Variants in DST observed in about 807,000 individuals in gnomAD.
The protein encoded by DST is dystonin.
DST carries 253 observed loss-of-function variants against 875.2 expected under a neutral mutation model. The observed-to-expected ratio is 0.29, with a 90% CI of 0.26 to 0.32. DST has a LOEUF of 0.32. DST is among the 10% of genes least tolerant of loss of function. DST has a pLI of 1.00. For synonymous variants in DST, 3,124 were observed against 3,197.1 expected, an observed-to-expected ratio of 0.98 and a Z score of 0.77; for missense variants, 8,287 against 9,111.6, an observed-to-expected ratio of 0.91 and a Z score of 3.68.
chr6:56,711,078 C>A (rs1378084549), intron 5 of DST, among the ~76,000 whole-genome samples: 2 of 152,022 alleles, frequency 1.3e-5, no homozygotes, highest in African/African-American at 4.8e-5. Context: ...GGACCTGATT[C>A]ACTCCTTCAC....
chr6:56,818,942 G>C (rs538658618), intron 4 of DST, among the ~76,000 whole-genome samples: 1 of 152,046 alleles, frequency 6.6e-6, no homozygotes, highest in Non-Finnish European at 1.5e-5. Context: ...TTAGCACTGG[G>C]TCTGACCCTG....
At chr6:56,486,049 T>C (rs777206613) in intron 87 of DST, among the ~76,000 whole-genome samples, 4 of 152,142 alleles carry the variant, frequency 2.6e-5, no homozygotes, top group Non-Finnish European at 4.4e-5. Context: ...GTATGTAACA[T>C]GCTGTGGCTG....
chr6:56,749,542 T>C (rs575293762), intron 4 of DST, among the ~76,000 whole-genome samples: 13 of 152,308 alleles, frequency 8.5e-5, no homozygotes, highest in African/African-American at 3.1e-4. Context: ...CTAATATTCA[T>C]ATAAGAAGTT....
intron 20 of DST, 22 bp from the exon 21 acceptor site, chr6:56,639,633 T>A: frequency 3.1e-6 from 5 of 1,613,622 alleles, no homozygotes; most frequent in Non-Finnish European, 4.2e-6. Context: ...AAAATCATCA[T>A]AAGAATCATG....
chr6:56,900,619 T>C lies in DST; in HGVS notation c.219A>G (p.Gly73=), dbSNP rs1452859543. 1 of 1,367,282 alleles carries C rather than the reference T, an allele frequency of 7.3e-7. No homozygotes were observed. The highest frequency in any genetic ancestry group is 9.8e-7 in the Non-Finnish European group (1 of 1,021,718). The allele number at this position is 1,367,282 out of a possible 1,614,324, so 84.7% of individuals were successfully genotyped here. Residue 73 remains glycine, a splice_region_variant and synonymous_variant, in exon 3 of 104, where the codon GGA becomes GGG. Transcript: ENST00000680361. ...VLRSHHFRSE[G]FRASPRHLRR... is the part of the protein sequence containing the mutation. ...TAAGATGCCGAGGGCTTGCTCTGAA[T>C]CCCTGTGGCAGAAAACACAACCAAG...
At chr6:56,595,544 G>T (rs552932978) in intron 47 of DST, among the ~76,000 whole-genome samples, 267 of 150,210 alleles carry the variant, frequency 1.8e-3, no homozygotes, top group African/African-American at 5.9e-3. Context: ...GCACACAGGA[G>T]CTGAGTAAGA....
chr6:56,669,287 CAAAAAAAAA>C (rs1055863442), intron 10 of DST, among the ~76,000 whole-genome samples: 6 of 69,392 alleles, frequency 8.6e-5, no homozygotes, highest in African/African-American at 3.1e-4. Flanking sequence ...TTTGTAAAAC[CAAAAAAAAA>C]AAAAAAAAAA....
intron 4 of DST, among the ~76,000 whole-genome samples, chr6:56,818,100 G>A (rs2099768761): frequency 6.6e-6 from 1 of 152,138 alleles, no homozygotes; most frequent in African/African-American, 2.4e-5. Flanking sequence ...ATGTCCAGAA[G>A]GAACACAATT....
At chr6:56,532,610 T>C in intron 63 of DST, 100 bp from the exon 64 acceptor site, 1 of 1,125,536 alleles carries the variant, frequency 8.9e-7, no homozygotes, top group South Asian at 1.6e-5. Context: ...AAAAATGTAT[T>C]TTGTATGTAT....
chr6:56,568,154 TTTAA>T (rs2097714221), intron 55 of DST, among the ~76,000 whole-genome samples: 1 of 152,196 alleles, frequency 6.6e-6, no homozygotes, highest in South Asian at 2.1e-4. Flanking sequence ...AATATCTCCA[TTTAA>T]TTAAGGTAAA....
chr6:56,925,664 T>C (rs1806673938), intron 2 of DST, among the ~76,000 whole-genome samples: 2 of 152,340 alleles, frequency 1.3e-5, no homozygotes, highest in East Asian at 1.9e-4. Flanking sequence ...CAGCTCAAGA[T>C]GGGAAAACAT....
At chr6:56,742,451 T>A in intron 4 of DST, 1 of 893,378 alleles carries the variant, frequency 1.1e-6, no homozygotes. Context: ...TAGACACTCC[T>A]ACTTGCAAGC....
At chr6:56,682,421 C>T (rs2099161311) in intron 9 of DST, among the ~76,000 whole-genome samples, 1 of 152,204 alleles carries the variant, frequency 6.6e-6, no homozygotes, top group Admixed American at 6.5e-5. Flanking sequence ...AAAAACATCA[C>T]TACCAACAAC....
rs751783267 is a variant in DST at position 56,606,766 on chromosome 6, T to A, written c.7862A>T (p.Asp2621Val). The A allele has an allele frequency of 6.2e-7, 1 of 1,613,426 alleles. No individual in the cohort carries two copies. The highest frequency in any genetic ancestry group is 2.2e-5 in the East Asian group (1 of 44,868). Reference sequence around the variant, plus strand: ...ATCAAGAAGCAAAGAATCATGGTCATCATCTTCAAACAAGGGAGTATCATA... The same window carrying A: ...ATCAAGAAGCAAAGAATCATGGTCAACATCTTCAAACAAGGGAGTATCATA... ...DFYDTPLFED[D>V]DHDSLLLDGD... is the part of the protein sequence containing the mutation. The change falls in exon 40 of 104, where the codon GAT becomes GTT. Residue 2621 changes from aspartate (D) to valine (V), a missense_variant. By Grantham distance (152) the Asp-to-Val change is radical. Transcript: ENST00000680361.
chr6:56,871,776 T>TAAAAAAAAAAAAAAAAAAAAAAAAAAAA (rs746142378), intron 3 of DST: 2 of 93,744 alleles, frequency 2.1e-5, no homozygotes, highest in Non-Finnish European at 4.3e-5. Context: ...CAATTAAAAG[T>TAAAAAAAAAAAAAAAAAAAAAAAAAAAA]AAAAAAAAAA....
intron 82 of DST, 21 bp from the exon 83 acceptor site, chr6:56,494,201 G>A: frequency 6.3e-7 from 1 of 1,575,474 alleles, no homozygotes; most frequent in Non-Finnish European, 8.6e-7. Flanking sequence ...ATACCCTCAA[G>A]TTATATCACT....
chr6:56,815,017 C>T (rs1241464546), intron 4 of DST, among the ~76,000 whole-genome samples: 1 of 152,190 alleles, frequency 6.6e-6, no homozygotes, highest in Non-Finnish European at 1.5e-5. Context: ...AGGTTAGAAT[C>T]ACCGCTCTGC....
Position 56,463,747 on chromosome 6 carries a change from T to C in DST, c.22777A>G (p.Met7593Val). 1 of 1,613,990 alleles carries C rather than the reference T, an allele frequency of 6.2e-7. No homozygotes were observed. The highest frequency in any genetic ancestry group is 1.3e-5 in the African/African-American group (1 of 75,040). ...QPTIAKGRTN[M>V]ELREKFILAD... is the part of the protein sequence containing the mutation. ...AAAATGAACTTCTCACGCAGTTCCA[T>C]GTTTGTCCTTCCTTTGGCTGGGTTA... is the stretch of plus-strand genomic sequence containing the variant. The change falls in exon 101 of 104, where the codon ATG becomes GTG. Residue 7593 changes from methionine to valine, a missense_variant. This residue lies in a region of DST where 64 missense variants were observed against 86.2 expected (regional missense o/e 0.74). Coordinates refer to ENST00000680361, the MANE Select transcript of DST (RefSeq NM_001374736.1).
chr6:56,818,411 G>T (rs1220557395), intron 4 of DST, among the ~76,000 whole-genome samples: 1 of 152,072 alleles, frequency 6.6e-6, no homozygotes, highest in Non-Finnish European at 1.5e-5. Context: ...CATACTGTTT[G>T]TATCTTTTAT....
Sources: gnomAD v4.1 joint callset for allele counts (sites outside exome capture counted in the v4.1 genomes callset) on GRCh38, gnomAD v4.1.1 for gene constraint, gnomAD v4.1.1 regional missense constraint, MANE v1.5 for transcripts, NCBI Gene and HGNC (gene_info 2026-07-23, HGNC 2026-07-21) for gene names.